The following PCDH17 variants were observed in gnomAD, a reference collection of about 807,000 sequenced individuals.
The protein encoded by PCDH17 is protocadherin 17.
In PCDH17, 21 loss-of-function variants were observed where a neutral mutation model predicts 67.7. The observed-to-expected ratio is 0.31, with a 90% CI of 0.22 to 0.45. The LOEUF is 0.45. Among genes scored for constraint, PCDH17 ranks in the 20% least tolerant of loss-of-function variants. The probability of loss-of-function intolerance (pLI) is 1.00; values close to 1 mark genes in which losing one functional copy is unlikely to be tolerated. For synonymous variants in PCDH17, 701 were observed against 656.7 expected (o/e 1.07, Z -1.03); for missense variants, 1,471 against 1,564.8 (o/e 0.94, Z 1.01).
In PCDH17 at chr13:57,696,754, G is replaced by A. The variant is rs149117905; in HGVS notation, c.2798-27858G>A. Among the ~76,000 whole-genome samples the A allele has an allele frequency of 4.3e-3, 651 of 151,534 alleles. 7 individuals are homozygous for A. The Middle Eastern group carries it at 0.065, about 15-fold the overall frequency. ...TTACACATTTTGAGTATTAACAATG[G>A]AAATTAGAACAGATCTATAAATTGA... On this transcript the variant is annotated intron_variant, in intron 3 of 3. Transcript: ENST00000377918.
At chr13:57,685,888 C>T (rs999091836) in intron 3 of PCDH17, among the ~76,000 whole-genome samples, 43 of 151,798 alleles carry the variant, frequency 2.8e-4, no homozygotes, top group African/African-American at 1.0e-3. Context: ...GAGTTCAAGA[C>T]CAACCTGGGC....
At chr13:57,673,486 CA>C (rs1955350077) in intron 3 of PCDH17, among the ~76,000 whole-genome samples, 1 of 151,838 alleles carries the variant, frequency 6.6e-6, no homozygotes, top group Non-Finnish European at 1.5e-5. Flanking sequence ...CCTGGCCTGC[CA>C]AAAAACCACT....
At chr13:57,636,250 G>A (rs1954821190) in intron 1 of PCDH17, among the ~76,000 whole-genome samples, 1 of 152,136 alleles carries the variant, frequency 6.6e-6, no homozygotes, top group Non-Finnish European at 1.5e-5. Flanking sequence ...TGGATGAGCA[G>A]TATGTGGAAT....
Position 57,708,580 on chromosome 13 carries a change from A to C in PCDH17, c.2798-16032A>C, listed in dbSNP as rs999834317. ...TGTGAGGGTATACTTTAAAAATAGG[A>C]CAGAAACACACACAAATTAAACACA... On this transcript the variant is annotated intron_variant, in intron 3 of 3. Coordinates refer to ENST00000377918, the MANE Select transcript of PCDH17 (RefSeq NM_001040429.3). Among the ~76,000 whole-genome samples the C allele has an allele frequency of 5.3e-5, 8 of 151,944 alleles. No homozygotes were observed. In the East Asian group the frequency reaches 1.4e-3, roughly 26 times the overall value.
intron 3 of PCDH17, among the ~76,000 whole-genome samples, chr13:57,701,796 A>G (rs913050630): frequency 6.6e-6 from 1 of 152,166 alleles, no homozygotes; most frequent in African/African-American, 2.4e-5. Flanking sequence ...TTCAAATGTA[A>G]ATGAATTCCA....
At chr13:57,679,360 CAA>C (rs35349642) in intron 3 of PCDH17, among the ~76,000 whole-genome samples, 11,723 of 144,208 alleles carry the variant, frequency 0.081, 667 homozygotes, top group African/African-American at 0.14. Context: ...AGACTGAATA[CAA>C]AAAAAAAAAA....
Position 57,633,614 on chromosome 13 carries a change from G to A in PCDH17, c.1068G>A (p.Val356=), listed in dbSNP as rs758747470. 4 of 1,611,398 alleles carry A rather than the reference G, an allele frequency of 2.5e-6. No individual in the cohort carries two copies. Among genetic ancestry groups the A allele is most frequent in the Non-Finnish European group, 3.4e-6 (4 of 1,180,028 alleles). ...DNAPSIGFVS[V]RQGALSEAAP... is the part of the protein sequence containing the mutation. ...CGCCGTCCATCGGTTTCGTCTCCGT[G>A]CGCCAGGGGGCGCTGAGCGAGGCCG... is the stretch of plus-strand genomic sequence containing the variant. Residue 356 remains valine, a synonymous_variant, in exon 1 of 4, where the codon GTG becomes GTA. Transcript: ENST00000377918. The surrounding 1 kb of genome is among the most constrained non-coding windows in gnomAD (Gnocchi z 6.2).
chr13:57,677,726 T>C (rs1001880394), intron 3 of PCDH17, among the ~76,000 whole-genome samples: 1 of 151,834 alleles, frequency 6.6e-6, no homozygotes, highest in Non-Finnish European at 1.5e-5. Flanking sequence ...AACTGACAGG[T>C]CACTCCTGAT....
intron 3 of PCDH17, among the ~76,000 whole-genome samples, chr13:57,697,434 G>GA (rs1593935375): frequency 6.6e-6 from 1 of 151,184 alleles, no homozygotes; most frequent in Non-Finnish European, 1.5e-5. Context: ...AACTCACATA[G>GA]AAAAAAAATT....
At chr13:57,710,308 G>A (rs1955764013) in intron 3 of PCDH17, among the ~76,000 whole-genome samples, 1 of 151,844 alleles carries the variant, frequency 6.6e-6, no homozygotes, top group East Asian at 1.9e-4. Context: ...GTGAAAATAC[G>A]TTAAAGGCTT....
At chr13:57,712,875 C>T (rs929105117) in intron 3 of PCDH17, among the ~76,000 whole-genome samples, 2 of 151,534 alleles carry the variant, frequency 1.3e-5, no homozygotes, top group Non-Finnish European at 3.0e-5. Flanking sequence ...ATGCACTTCA[C>T]TCTTACTGTC....
chr13:57,669,963 T>A (rs1955300102), intron 3 of PCDH17, among the ~76,000 whole-genome samples: 1 of 152,082 alleles, frequency 6.6e-6, no homozygotes, highest in Admixed American at 6.6e-5. Context: ...ACCTGAAACA[T>A]ATTACCCTAT....
Position 57,724,852 on chromosome 13 carries a change from C to A in PCDH17, c.3038C>A (p.Ala1013Asp), listed in dbSNP as rs1171966861. The A allele has an allele frequency of 6.2e-7, 1 of 1,614,066 alleles. No individual in the cohort carries two copies. The highest frequency in any genetic ancestry group is 8.5e-7 in the Non-Finnish European group (1 of 1,180,030). Residue 1013 changes from alanine to aspartate, a missense_variant, in exon 4 of 4, where the codon GCC (alanine) becomes GAC (aspartate). Physicochemically the swap from Ala to Asp is moderately radical, Grantham distance 126 (BLOSUM62 -2). This residue lies in a region of PCDH17 where 297 missense variants were observed against 298.6 expected (regional missense o/e 0.99). Coordinates refer to ENST00000377918, the MANE Select transcript of PCDH17 (RefSeq NM_001040429.3). ...AAGCGAGAGCACACTATTCTCATTG[C>A]CAACGTTAAACCTTATTTAAAAGCC... is the stretch of plus-strand genomic sequence containing the variant. ...KDKREHTILI[A>D]NVKPYLKAKR...
chr13:57,699,230 TTG>T (rs1447131997), intron 3 of PCDH17, among the ~76,000 whole-genome samples: 1 of 152,056 alleles, frequency 6.6e-6, no homozygotes, highest in Non-Finnish European at 1.5e-5. Context: ...TTTCATTGAT[TTG>T]TGTTTTTAAA....
chr13:57,633,821 G>A lies in PCDH17; in HGVS notation c.1275G>A (p.Val425=). 6.2e-7 allele frequency: 1 copy of A among 1,611,942 alleles called. No homozygotes were observed. Residue 425 remains valine, a synonymous_variant, in exon 1 of 4, where the codon GTG becomes GTA. Transcript: ENST00000377918. The surrounding 1 kb of genome is among the most constrained non-coding windows in gnomAD (Gnocchi z 6.2). ...EENYDNFYTV[V]TDRPLDRETQ... ...ACTACGACAACTTCTACACGGTGGT[G>A]ACTGACCGCCCGCTGGACCGCGAGA...
upstream of PCDH17, among the ~76,000 whole-genome samples, chr13:57,630,351 A>C (rs1268220445): frequency 6.8e-6 from 1 of 146,774 alleles, no homozygotes; most frequent in African/African-American, 2.5e-5. Flanking sequence ...AAAAGGAGGA[A>C]TTAAAAAAAA....
At chr13:57,715,583 T>C (rs1955810157) in intron 3 of PCDH17, among the ~76,000 whole-genome samples, 1 of 151,888 alleles carries the variant, frequency 6.6e-6, no homozygotes, top group Non-Finnish European at 1.5e-5. Context: ...TAAATGCTTA[T>C]TTAGGAAAAA....
chr13:57,632,884 A>G lies in PCDH17; in HGVS notation c.338A>G (p.Lys113Arg). ...TCCCTCGAGGTGTTCGCCAACGACA[A>G]GGAGATCTGCATGATCAAGGTAGAG... ...QLSLEVFAND[K>R]EICMIKVEIQ... Residue 113 changes from lysine (K) to arginine (R), a missense_variant, in exon 1 of 4, where the codon AAG becomes AGG. Lys to Arg is a conservative substitution (Grantham distance 26). This residue lies in a region of PCDH17 where 1,163 missense variants were observed against 1,230.0 expected (regional missense o/e 0.95). Transcript: ENST00000377918. 6.2e-7 allele frequency: 1 copy of G among 1,614,060 alleles called. No homozygotes were observed. Among genetic ancestry groups the G allele is most frequent in the Non-Finnish European group, 8.5e-7 (1 of 1,180,012 alleles).
intron 3 of PCDH17, among the ~76,000 whole-genome samples, chr13:57,684,969 A>T (rs1955492711): frequency 2.0e-5 from 3 of 151,956 alleles, no homozygotes; most frequent in Admixed American, 1.3e-4. Context: ...TCAGCTAATA[A>T]TACAGCACAG....
Sources: gnomAD v4.1 joint callset for allele counts (sites outside exome capture counted in the v4.1 genomes callset) on GRCh38, gnomAD v4.1.1 for gene constraint, gnomAD v4.1.1 regional missense constraint, Gnocchi (gnomAD v3.1) non-coding constraint, MANE v1.5 for transcripts, NCBI Gene and HGNC (gene_info 2026-07-23, HGNC 2026-07-21) for gene names.